Variants in CCM2 observed in about 807,000 individuals in gnomAD.
CCM2 encodes CCM2 scaffold protein, also known as cerebral cavernous malformations 2 protein.
Under a neutral mutation model 44.9 loss-of-function variants are expected in CCM2, and 25 were observed. That is an observed-to-expected ratio of 0.56 (90% confidence interval 0.41 to 0.78). CCM2 has a LOEUF of 0.78. Ranked by LOEUF, CCM2 falls within the 30% of genes least tolerant of loss-of-function variation. The probability of loss-of-function intolerance (pLI) is 0.00; values close to 1 mark genes in which losing one functional copy is unlikely to be tolerated. For missense variants in CCM2, 481 were observed against 580.6 expected, an observed-to-expected ratio of 0.83 and a Z score of 1.76; for synonymous variants, 219 against 241.1, an observed-to-expected ratio of 0.91 and a Z score of 0.85.
chr7:45,012,385 C>T lies in CCM2; in HGVS notation c.30+12022C>T, dbSNP rs552612793. Among the ~76,000 whole-genome samples the T allele has an allele frequency of 5.3e-5, 8 of 149,584 alleles. No homozygotes were observed. The East Asian group carries it at 1.2e-3, about 23-fold the overall frequency. On this transcript the variant is annotated intron_variant, in intron 1 of 9. Transcript: ENST00000258781. ...CTGACCTCAGGTGATCCACCCGCCTCGGCCTCCCAAAGTGCTGGGATTACA... is the reference window on the plus strand; with the variant it reads ...CTGACCTCAGGTGATCCACCCGCCTTGGCCTCCCAAAGTGCTGGGATTACA...
At chr7:45,002,212 G>T (rs1394839600) in intron 1 of CCM2, among the ~76,000 whole-genome samples, 2 of 152,226 alleles carry the variant, frequency 1.3e-5, no homozygotes, top group African/African-American at 4.8e-5. Flanking sequence ...AGTAGCAGAA[G>T]TGCTGACAAT....
At chr7:45,067,102 G>A (rs550305967) in intron 4 of CCM2, among the ~76,000 whole-genome samples, 23 of 151,630 alleles carry the variant, frequency 1.5e-4, no homozygotes, top group Non-Finnish European at 2.4e-4. Context: ...GTATTTCACC[G>A]TGTTAGCCAG....
At chr7:45,040,969 G>A (rs1159162869) in intron 2 of CCM2, among the ~76,000 whole-genome samples, 8 of 152,182 alleles carry the variant, frequency 5.3e-5, no homozygotes, top group Admixed American at 2.6e-4. Flanking sequence ...CAGCCTAGGC[G>A]ACAGCGTGAG....
chr7:45,051,232 A>G (rs764219461), intron 2 of CCM2, among the ~76,000 whole-genome samples: 1 of 152,146 alleles, frequency 6.6e-6, no homozygotes, highest in Non-Finnish European at 1.5e-5. Context: ...GTGGGTCCCA[A>G]GGCCTCATTC....
chr7:45,075,520 T>C (rs1430047573), intron 9 of CCM2, among the ~76,000 whole-genome samples: 2 of 151,896 alleles, frequency 1.3e-5, no homozygotes, highest in East Asian at 1.9e-4. Flanking sequence ...GGCCAGGGAG[T>C]GTGCATGTGG....
chr7:45,010,283 A>T (rs547919982), intron 1 of CCM2, among the ~76,000 whole-genome samples: 2 of 152,146 alleles, frequency 1.3e-5, no homozygotes, highest in Non-Finnish European at 2.9e-5. Flanking sequence ...TGAAACCCCT[A>T]CTAAGAAATA....
intron 2 of CCM2, among the ~76,000 whole-genome samples, chr7:45,049,596 A>G (rs1330074799): frequency 1.3e-5 from 2 of 152,196 alleles, no homozygotes; most frequent in Non-Finnish European, 2.9e-5. Context: ...ATTCTATTTA[A>G]CCAGTGATTT....
intron 2 of CCM2, among the ~76,000 whole-genome samples, chr7:45,039,451 A>T (rs1797376628): frequency 6.6e-6 from 1 of 152,194 alleles, no homozygotes; most frequent in African/African-American, 2.4e-5. Flanking sequence ...AAACTCCAAC[A>T]GTCAGGACTC....
chr7:45,038,750 T>A (rs1423020177), intron 2 of CCM2, among the ~76,000 whole-genome samples: 1 of 152,204 alleles, frequency 6.6e-6, no homozygotes, highest in African/African-American at 2.4e-5. Context: ...TCCTGTAGTT[T>A]GCAGTTGAAA....
intron 2 of CCM2, 35 bp downstream of exon 2, chr7:45,038,461 A>C: frequency 6.2e-7 from 1 of 1,608,604 alleles, no homozygotes; most frequent in Non-Finnish European, 8.5e-7. Context: ...GTGCCTGCCA[A>C]ACGACAGTGA....
chr7:45,073,915 C>G, intron 8 of CCM2: 1 of 519,912 alleles, frequency 1.9e-6, no homozygotes, highest in East Asian at 3.4e-5. Context: ...ATTGCAAACT[C>G]AAGTCTTCCT....
chr7:45,000,032 G>T (rs1003884012), upstream of CCM2, among the ~76,000 whole-genome samples: 2 of 152,080 alleles, frequency 1.3e-5, no homozygotes, highest in Non-Finnish European at 2.9e-5. Flanking sequence ...CCAACGGGCC[G>T]TGTTCTCCCT....
In CCM2 at chr7:45,074,366, C is replaced by T. The variant is rs1799239169; in HGVS notation, c.1012C>T (p.Leu338=). 1 of 1,613,728 alleles carries T rather than the reference C, an allele frequency of 6.2e-7. No homozygotes were observed. Among genetic ancestry groups the T allele is most frequent in the Non-Finnish European group, 8.5e-7 (1 of 1,180,022 alleles). The change falls in exon 9 of 10, where the codon CTG becomes TTG. Residue 338 remains leucine, a synonymous_variant. Coordinates refer to ENST00000258781, the MANE Select transcript of CCM2 (RefSeq NM_031443.4). ...GASIHEFCIN[L]RQLYGDSRKF... Reference sequence around the variant, plus strand: ...CTCTATCCACGAGTTCTGCATCAACCTGCGGCAGCTCTACGGGGACAGCCG... The same window carrying T: ...CTCTATCCACGAGTTCTGCATCAACTTGCGGCAGCTCTACGGGGACAGCCG...
chr7:45,020,068 A>G (rs1358039105), intron 1 of CCM2, among the ~76,000 whole-genome samples: 1 of 151,950 alleles, frequency 6.6e-6, no homozygotes, highest in East Asian at 1.9e-4. Flanking sequence ...GCAGTCTCAA[A>G]TCCTCCTTTA....
intron 2 of CCM2, among the ~76,000 whole-genome samples, chr7:45,045,827 CAA>C (rs1160076522): frequency 6.6e-6 from 1 of 152,030 alleles, no homozygotes; most frequent in East Asian, 1.9e-4. Context: ...CTCAGACAAA[CAA>C]GATATGTTTT....
At chr7:45,019,939 C>T (rs191156002) in intron 1 of CCM2, among the ~76,000 whole-genome samples, 12 of 152,234 alleles carry the variant, frequency 7.9e-5, no homozygotes, top group African/African-American at 1.4e-4. Flanking sequence ...GTCTCACCTC[C>T]GCTTACGCAG....
intron 1 of CCM2, among the ~76,000 whole-genome samples, chr7:45,033,044 CAAAAA>C (rs60956411): frequency 0.02 from 1,152 of 58,022 alleles, 13 homozygotes; most frequent in African/African-American, 0.076. Context: ...AACTCCGTCT[CAAAAA>C]AAAAAAAAAA....
chr7:45,055,121 C>T (rs1360097446), intron 2 of CCM2, among the ~76,000 whole-genome samples: 1 of 152,170 alleles, frequency 6.6e-6, no homozygotes, highest in Non-Finnish European at 1.5e-5. Flanking sequence ...TTTTGGATAA[C>T]ACCAAAGAAA....
At chr7:45,000,614 C>A (rs1297916103) in intron 1 of CCM2, among the ~76,000 whole-genome samples, 1 of 152,304 alleles carries the variant, frequency 6.6e-6, no homozygotes, top group East Asian at 1.9e-4. Flanking sequence ...AGACGGCCTT[C>A]CCTGCGCGTC....
Sources: gnomAD v4.1 joint callset for allele counts (sites outside exome capture counted in the v4.1 genomes callset) on GRCh38, gnomAD v4.1.1 for gene constraint, MANE v1.5 for transcripts, NCBI Gene and HGNC (gene_info 2026-07-23, HGNC 2026-07-21) for gene names.